Variants in IDH3G observed in about 807,000 individuals in gnomAD.
IDH3G encodes the protein isocitrate dehydrogenase [NAD] subunit gamma, mitochondrial.
Under a neutral mutation model 26.9 loss-of-function variants are expected in IDH3G, and 9 were observed. The ratio of observed to expected loss-of-function variants is 0.34; its 90% confidence interval spans 0.20 to 0.58. The LOEUF (loss-of-function observed/expected upper bound fraction) is 0.58. IDH3G is among the 20% of genes least tolerant of loss of function. IDH3G has a pLI of 0.85. For synonymous variants in IDH3G, 181 were observed against 160.0 expected, an observed-to-expected ratio of 1.13 and a Z score of -0.99; for missense variants, 250 against 372.8, an observed-to-expected ratio of 0.67 and a Z score of 2.71.
At chrX:153,788,003 C>A in intron 6 of IDH3G, 48 bp from the exon 7 acceptor site, 1 of 1,209,412 alleles carries the variant, frequency 8.3e-7, no homozygotes, top group South Asian at 1.8e-5. Context: ...AGGTGGCTGA[C>A]TGGAGCCAGA....
chrX:153,786,422 C>A lies in IDH3G; in HGVS notation c.952G>T (p.Ala318Ser). The A allele has an allele frequency of 8.3e-7, 1 of 1,198,220 alleles. No individual in the cohort carries two copies. Among genetic ancestry groups the A allele is most frequent in the Non-Finnish European group, 1.1e-6 (1 of 888,149 alleles). Residue 318 changes from alanine to serine, a missense_variant, in exon 11 of 13, where the codon GCC becomes TCC. Ala to Ser is a moderately conservative substitution (Grantham distance 99). Coordinates refer to ENST00000217901, the MANE Select transcript of IDH3G (RefSeq NM_004135.4). ...GTGGGGTTGGCGATGTTCTTATTGG[C>A]GATACTCTTGCCGGTGTTCCTCGTA... ...TATRNTGKSI[A>S]NKNIANPTAT...
intron 11 of IDH3G, 36 bp from the exon 12 acceptor site, chrX:153,786,308 G>A: frequency 8.3e-7 from 1 of 1,202,024 alleles, no homozygotes; most frequent in East Asian, 3.0e-5. Context: ...AGTCCCTGGG[G>A]CCCGGAGGGC....
chrX:153,790,687 A>T (rs2092106076), intron 2 of IDH3G, 112 bp from the exon 3 acceptor site: 1 of 1,065,927 alleles, frequency 9.4e-7, no homozygotes, highest in Non-Finnish European at 1.3e-6. Context: ...TACAACTCCC[A>T]GAAGAGGGGT....
At position 153,787,541 on chromosome X, in the gene IDH3G, G is replaced by A; in HGVS notation, c.597C>T (p.Arg199=). Residue 199 remains arginine (R), a synonymous_variant, in exon 8 of 13, where the codon CGC becomes CGT. Transcript: ENST00000217901. ...LKIITKAKSL[R]IAEYAFKLAQ... is the part of the protein sequence containing the mutation. ...CCAGCTTGAAGGCATACTCGGCAAT[G>A]CGCAGGGACTTGGCCTTGGTGATGA... The A allele has an allele frequency of 8.3e-7, 1 of 1,211,326 alleles. No individual in the cohort carries two copies. The highest frequency in any genetic ancestry group is 1.1e-6 in the Non-Finnish European group (1 of 895,272).
At chrX:153,787,742 G>C (rs964610547) in intron 7 of IDH3G, 81 bp downstream of exon 7, 3 of 1,143,579 alleles carry the variant, frequency 2.6e-6, no homozygotes, top group Non-Finnish European at 3.5e-6. Context: ...TGCCCTCTAA[G>C]GGTACACCTG....
intron 7 of IDH3G, 94 bp from the exon 8 acceptor site, chrX:153,787,691 C>T (rs1603255343): frequency 5.3e-6 from 6 of 1,139,818 alleles, no homozygotes; most frequent in Non-Finnish European, 5.9e-6. Context: ...GGGAAGCAAC[C>T]CTGTCTGCCT....
intron 10 of IDH3G, 92 bp downstream of exon 10, chrX:153,786,709 T>C: frequency 9.6e-7 from 1 of 1,036,304 alleles, no homozygotes; most frequent in Non-Finnish European, 1.3e-6. Flanking sequence ...ATCATGCATT[T>C]TGAACGGGCT....
chrX:153,787,405 GC>G, intron 8 of IDH3G, 58 bp downstream of exon 8: 10 of 1,165,350 alleles, frequency 8.6e-6, no homozygotes, highest in Non-Finnish European at 1.2e-5. Context: ...CTCAGAGCAG[GC>G]CCAAGCAGGC....
At chrX:153,786,752 T>C in intron 10 of IDH3G, 49 bp downstream of exon 10, 1 of 1,173,764 alleles carries the variant, frequency 8.5e-7, no homozygotes, top group Non-Finnish European at 1.2e-6. Context: ...TCACTAAGTC[T>C]GTGAACAGGA....
At chrX:153,789,619 A>G in intron 5 of IDH3G, 93 bp downstream of exon 5, 7 of 547,942 alleles carry the variant, frequency 1.3e-5, no homozygotes, top group Non-Finnish European at 1.8e-5. Flanking sequence ...GCAAGAAAGC[A>G]AGCAAGCGAG....
rs1173344541 is a variant in IDH3G at position 153,788,141 on chromosome X, A to G, written c.347-6T>C. The G allele has an allele frequency of 1.7e-6, 2 of 1,209,810 alleles. No individual in the cohort carries two copies. Among genetic ancestry groups the G allele is most frequent in the East Asian group, 3.0e-5 (1 of 33,778 alleles). ...ATGGTTGGTTTCGATGTTGCCTACA[A>G]AACACAACACAGGCTTAGTGGCACT... On this transcript the variant is annotated splice_region_variant and splice_polypyrimidine_tract_variant and intron_variant, in intron 5 of 12. Transcript: ENST00000217901.
chrX:153,788,310 G>A (rs782160169), intron 5 of IDH3G, among the ~76,000 whole-genome samples, 175 bp from the exon 6 acceptor site: 2 of 112,686 alleles, frequency 1.8e-5, no homozygotes, highest in East Asian at 2.8e-4. Flanking sequence ...CAGGGATCTC[G>A]AAGGGCACCT....
At chrX:153,787,293 C>T in intron 8 of IDH3G, 140 bp from the exon 9 acceptor site, 1 of 769,305 alleles carries the variant, frequency 1.3e-6, no homozygotes, top group Non-Finnish European at 1.9e-6. Context: ...GAATCCCACC[C>T]CACCTCCCCT....
intron 5 of IDH3G, chrX:153,788,992 G>A: frequency 3.5e-6 from 1 of 285,644 alleles, no homozygotes; most frequent in East Asian, 1.1e-4. Context: ...GGTTTGTGAA[G>A]AAAGATGCTG....
chrX:153,788,019 C>A (rs1322942444), intron 6 of IDH3G, 56 bp downstream of exon 6: 2 of 1,209,004 alleles, frequency 1.7e-6, no homozygotes, highest in African/African-American at 3.5e-5. Context: ...CCAGACTCCA[C>A]TGGCTCACCC....
rs148347028 is a variant in IDH3G at position 153,793,010 on chromosome X, C to T, written c.81+1236G>A. ...TTGGACCATGTGTCAATGGTGGCTG[C>T]ATGTTTTCCTATGGCGTCCAAATCA... On this transcript the variant is annotated intron_variant, in intron 1 of 12. Transcript: ENST00000217901. Among the ~76,000 whole-genome samples, 607 of 112,402 alleles carry T rather than the reference C, an allele frequency of 5.4e-3. 1 individual carries two copies. The highest frequency in any genetic ancestry group is 0.019 in the Middle Eastern group (4 of 216).
chrX:153,792,737 G>A lies in IDH3G; in HGVS notation c.81+1509C>T, dbSNP rs958870805. On this transcript the variant is annotated intron_variant, in intron 1 of 12. Coordinates refer to ENST00000217901, the MANE Select transcript of IDH3G (RefSeq NM_004135.4). ...GGCTTTGGCAAAAGACCCAGAGAGC[G>A]CTCCAGATGGACTTCCCTGACCTTA... Among the ~76,000 whole-genome samples the A allele has an allele frequency of 2.1e-4, 24 of 112,636 alleles. 1 individual carries two copies. Among genetic ancestry groups the A allele is most frequent in the East Asian group, 1.7e-3 (6 of 3,581 alleles).
intron 8 of IDH3G, 105 bp downstream of exon 8, chrX:153,787,359 C>G: frequency 9.4e-7 from 1 of 1,062,169 alleles, no homozygotes; most frequent in African/African-American, 1.8e-5. Flanking sequence ...TAGGGTGGCA[C>G]CTCGGTGGGT....
chrX:153,789,626 C>T (rs2092101877), intron 5 of IDH3G, 86 bp downstream of exon 5: 6 of 565,567 alleles, frequency 1.1e-5, no homozygotes, highest in East Asian at 7.3e-5. Context: ...AGCAAGCAAG[C>T]GAGCAAGTAA....
Sources: allele counts gnomAD v4.1 joint callset (sites outside exome capture counted in the v4.1 genomes callset), GRCh38; gene constraint gnomAD v4.1.1; transcripts MANE v1.5; gene names NCBI Gene and HGNC (gene_info 2026-07-23, HGNC 2026-07-21).